Variants in KPNA4 observed in about 807,000 individuals in gnomAD.
The protein encoded by KPNA4 is karyopherin subunit alpha 4.
A neutral mutation model predicts 71.3 loss-of-function variants in KPNA4; 13 were observed. That is an observed-to-expected ratio of 0.18 (90% CI 0.12 to 0.29). KPNA4 has a LOEUF of 0.29. KPNA4 is among the 10% of genes least tolerant of loss of function. The pLI, the probability that KPNA4 is intolerant of heterozygous loss-of-function variation, is 1.00. For missense variants in KPNA4, 334 were observed against 603.2 expected (o/e 0.55, Z 4.67); for synonymous variants, 189 against 195.2 (o/e 0.97, Z 0.26).
At chr3:160,555,617 C>G (rs1722121752) in intron 1 of KPNA4, among the ~76,000 whole-genome samples, 1 of 152,114 alleles carries the variant, frequency 6.6e-6, no homozygotes, top group Admixed American at 6.5e-5. Flanking sequence ...CTCTTTCTCT[C>G]TAAATATTAA....
In KPNA4 at chr3:160,535,910, A is replaced by AG; in HGVS notation, c.115-14_115-13insC. 1 of 1,090,614 alleles carries AG rather than the reference A, an allele frequency of 9.2e-7. No homozygotes were observed. 67.6% of individuals were successfully genotyped at this position (1,090,614 alleles called of 1,614,324 possible). On this transcript the variant is annotated splice_polypyrimidine_tract_variant and intron_variant, in intron 2 of 16. Transcript: ENST00000334256. ...CATCTCTTTTATTCTTAAAAAAAAA[A>AG]AAAAAAAAAAAAAAACCAAACAGAG... is the stretch of plus-strand genomic sequence containing the variant.
At chr3:160,514,279 C>CAG in intron 12 of KPNA4, 98 bp from the exon 13 acceptor site, 1 of 726,552 alleles carries the variant, frequency 1.4e-6, no homozygotes, top group Non-Finnish European at 2.1e-6. Flanking sequence ...AATGATTTTA[C>CAG]TACGAAATGA....
Position 160,565,478 on chromosome 3 carries a change from G to A in KPNA4, c.-196C>T, listed in dbSNP as rs1303823953. 3.9e-6 allele frequency: 2 copies of A among 506,422 alleles called. No homozygotes were observed. Among genetic ancestry groups the A allele is most frequent in the African/African-American group, 2.1e-5 (1 of 47,352 alleles). The allele number at this position is 506,422 out of a possible 1,614,324, so 31.4% of individuals were successfully genotyped here. Reference sequence around the variant, plus strand: ...CCCGCCCCCCCGCCCTAACCCCAGCGCGACTGCAGCTCCGGCAAAGACAAC... The same window carrying A: ...CCCGCCCCCCCGCCCTAACCCCAGCACGACTGCAGCTCCGGCAAAGACAAC... On this transcript the variant is annotated 5_prime_UTR_variant, in exon 1 of 17. Coordinates refer to ENST00000334256, the MANE Select transcript of KPNA4 (RefSeq NM_002268.5).
intron 6 of KPNA4, among the ~76,000 whole-genome samples, 180 bp downstream of exon 6, chr3:160,531,282 T>C (rs1027083310): frequency 1.3e-5 from 2 of 152,212 alleles, no homozygotes; most frequent in Non-Finnish European, 2.9e-5. Context: ...AGTTCCTTTT[T>C]TGGCTACTAC....
At chr3:160,535,072 CATT>C (rs767082744) in intron 5 of KPNA4, among the ~76,000 whole-genome samples, 1 of 152,074 alleles carries the variant, frequency 6.6e-6, no homozygotes, top group Non-Finnish European at 1.5e-5. Context: ...GACATAGTAA[CATT>C]ATAATTCTGG....
intron 11 of KPNA4, 44 bp from the exon 12 acceptor site, chr3:160,515,624 T>TC (rs1721198505): frequency 1.2e-6 from 2 of 1,600,318 alleles, no homozygotes; most frequent in South Asian, 2.2e-5. Flanking sequence ...AATCCTTTTT[T>TC]TTTTTTTTGA....
chr3:160,513,807 T>C (rs1463911420), intron 13 of KPNA4, among the ~76,000 whole-genome samples: 1 of 152,130 alleles, frequency 6.6e-6, no homozygotes, highest in African/African-American at 2.4e-5. Context: ...ACAGTAACGA[T>C]ATGAAAGTTT....
At position 160,508,241 on chromosome 3, in the gene KPNA4, A is replaced by G. The variant is rs548538065; in HGVS notation, c.1238T>C (p.Ile413Thr). The G allele has an allele frequency of 3.7e-6, 6 of 1,610,864 alleles. No individual in the cohort carries two copies. In the East Asian group the frequency reaches 1.1e-4, roughly 30 times the overall value. ...QVAYLIQQNV[I>T]PPFCNLLTVK... ...AGTCAGCAAGTTGCAAAAAGGTGGG[A>G]TAACATTTTGTTGGATAAGGTAAGC... The change falls in exon 15 of 17, where the codon ATC becomes ACC. Residue 413 changes from isoleucine (I) to threonine (T), a missense_variant. Transcript: ENST00000334256.
intron 13 of KPNA4, 49 bp from the exon 14 acceptor site, chr3:160,509,920 C>T: frequency 8.4e-7 from 1 of 1,185,786 alleles, no homozygotes; most frequent in Non-Finnish European, 1.2e-6. Flanking sequence ...ATAGAGTAAA[C>T]TGGAAAAAAT....
At chr3:160,523,374 C>T (rs750957182) in intron 10 of KPNA4, among the ~76,000 whole-genome samples, 3 of 151,524 alleles carry the variant, frequency 2.0e-5, no homozygotes, top group African/African-American at 2.4e-5. Context: ...TTAAAAAAAT[C>T]GTAAAACTGT....
rs375916985 is a variant in KPNA4, at chr3:160,502,160, C to T, written c.1510G>A (p.Gly504Arg). 1.3e-5 allele frequency: 20 copies of T among 1,597,378 alleles called. No individual in the cohort carries two copies. The highest frequency in any genetic ancestry group is 1.1e-4 in the African/African-American group (8 of 74,322). The change falls in exon 17 of 17, where the codon GGA (glycine) becomes AGA (arginine). Residue 504 changes from glycine to arginine, a missense_variant. Physicochemically the swap from Gly to Arg is moderately radical, Grantham distance 125 (BLOSUM62 -2). Coordinates refer to ENST00000334256, the MANE Select transcript of KPNA4 (RefSeq NM_002268.5). ...GCAGATGAATTGAAACCAAATGTTC[C>T]GCCTTGAATTGCCTCTGGAACAAGG... Reference protein sequence around the residue: ...PSLVPEAIQGGTFGFNSSANV... With the variant: ...PSLVPEAIQGRTFGFNSSANV...
In KPNA4 at chr3:160,499,562, G is replaced by C. The variant is rs925429785; in HGVS notation, c.*2542C>G. 1 of 151,006 alleles carries C rather than the reference G, an allele frequency of 6.6e-6. No homozygotes were observed. Among genetic ancestry groups the C allele is most frequent in the Non-Finnish European group, 1.5e-5 (1 of 67,878 alleles). The allele number at this position is 151,006 out of a possible 1,614,324, so 9.4% of individuals were successfully genotyped here. A position where few individuals can be genotyped will look rare whatever the true frequency, so the allele number is the denominator to read the frequency against. On this transcript the variant is annotated 3_prime_UTR_variant, in exon 17 of 17. Transcript: ENST00000334256. ...CTGAATCAATTTCAGAGACAGAAAA[G>C]CCCTTCCCAGAATTTCTACTAGAAA...
At chr3:160,561,660 T>C (rs1722248692) in intron 1 of KPNA4, among the ~76,000 whole-genome samples, 1 of 152,004 alleles carries the variant, frequency 6.6e-6, no homozygotes, top group Non-Finnish European at 1.5e-5. Flanking sequence ...AATTACAACT[T>C]TAAAAGGATC....
At chr3:160,531,849 G>GT (rs1201609424) in intron 5 of KPNA4, among the ~76,000 whole-genome samples, 1 of 151,996 alleles carries the variant, frequency 6.6e-6, no homozygotes, top group Non-Finnish European at 1.5e-5. Context: ...CTAGAGTGCA[G>GT]TGGCACAGTC....
chr3:160,561,369 C>T (rs1222658461), intron 1 of KPNA4, among the ~76,000 whole-genome samples: 1 of 151,502 alleles, frequency 6.6e-6, no homozygotes, highest in Non-Finnish European at 1.5e-5. Context: ...TACCCATTTC[C>T]TGTGTTGCAC....
intron 1 of KPNA4, among the ~76,000 whole-genome samples, chr3:160,558,271 G>A (rs910120469): frequency 6.6e-5 from 10 of 152,168 alleles, no homozygotes; most frequent in African/African-American, 1.7e-4. Flanking sequence ...GGAATAAGAA[G>A]CCTTCCCAAA....
chr3:160,541,645 A>ACG lies in KPNA4; in HGVS notation c.70-4807_70-4806dup, dbSNP rs1553787446. On this transcript the variant is annotated intron_variant, in intron 1 of 16. Coordinates refer to ENST00000334256, the MANE Select transcript of KPNA4 (RefSeq NM_002268.5). ...ATAAAGCGGTTTTTAAAAGTTATAT[A>ACG]CGCGCACACACACACACACACACAC... 4.4e-3 allele frequency among the ~76,000 whole-genome samples: 543 copies of ACG among 124,114 alleles called. 1 individual carries two copies. Among genetic ancestry groups the ACG allele is most frequent in the African/African-American group, 0.013 (379 of 30,250 alleles). 81.4% of individuals were successfully genotyped at this position (124,114 alleles called of 152,430 possible). A position where few individuals can be genotyped will look rare whatever the true frequency, so the allele number is the denominator to read the frequency against.
intron 1 of KPNA4, among the ~76,000 whole-genome samples, chr3:160,537,169 C>T (rs1486150623): frequency 6.6e-6 from 1 of 150,598 alleles, no homozygotes; most frequent in Non-Finnish European, 1.5e-5. Flanking sequence ...TCATATGAAC[C>T]GATGATATTA....
intron 16 of KPNA4, among the ~76,000 whole-genome samples, 169 bp downstream of exon 16, chr3:160,504,788 TA>T (rs1470462519): frequency 1.3e-5 from 2 of 152,224 alleles, no homozygotes; most frequent in Non-Finnish European, 2.9e-5. Flanking sequence ...GAAGGGATCT[TA>T]AAATATTGAA....
Sources: allele counts gnomAD v4.1 joint callset (sites outside exome capture counted in the v4.1 genomes callset), GRCh38; gene constraint gnomAD v4.1.1; transcripts MANE v1.5; gene names NCBI Gene and HGNC (gene_info 2026-07-23, HGNC 2026-07-21).